CAMTA1: variants seen among roughly 807,000 people sequenced by gnomAD.
CAMTA1 encodes calmodulin binding transcription activator 1.
A neutral mutation model predicts 170.9 loss-of-function variants in CAMTA1; 27 were observed. The ratio of observed to expected loss-of-function variants is 0.16; its 90% CI spans 0.12 to 0.22. The LOEUF is 0.22. Among genes scored for constraint, CAMTA1 ranks in the 10% least tolerant of loss-of-function variants. CAMTA1 has a pLI of 1.00. For synonymous variants in CAMTA1, 833 were observed against 891.5 expected, an observed-to-expected ratio of 0.93 and a Z score of 1.17; for missense variants, 1,619 against 2,217.2, an observed-to-expected ratio of 0.73 and a Z score of 5.42.
chr1:7,074,668 T>C (rs1639068541), intron 3 of CAMTA1, among the ~76,000 whole-genome samples: 1 of 152,264 alleles, frequency 6.6e-6, no homozygotes, highest in South Asian at 2.1e-4. Context: ...TCTCAACTTA[T>C]ATCCAAGTGA....
At chr1:7,722,648 T>C (rs1003344815) in intron 11 of CAMTA1, among the ~76,000 whole-genome samples, 3 of 152,230 alleles carry the variant, frequency 2.0e-5, no homozygotes, top group African/African-American at 7.2e-5. Context: ...ATGCTTATAC[T>C]TTTGAGATAC....
chr1:7,669,147 G>C lies in CAMTA1; in HGVS notation c.2653-1764G>C, dbSNP rs535754886. The stretch of plus-strand genomic sequence containing the variant: ...AGGACACACAGCTACTGAGGCGCAG[G>C]AGCAGGCCTCCTGCTTTTGTTTCTC... On this transcript the variant is annotated intron_variant, in intron 9 of 22. Coordinates refer to ENST00000303635, the MANE Select transcript of CAMTA1 (RefSeq NM_015215.4). 3.3e-5 allele frequency among the ~76,000 whole-genome samples: 5 copies of C among 152,360 alleles called. No individual in the cohort carries two copies. The East Asian group carries it at 9.6e-4, about 29-fold the overall frequency.
Position 7,195,548 on chromosome 1 carries a change from C to T in CAMTA1, c.303-53943C>T, listed in dbSNP as rs1341753886. Among the ~76,000 whole-genome samples, 1 of 152,126 alleles carries T rather than the reference C, an allele frequency of 6.6e-6. No individual in the cohort carries two copies. Among genetic ancestry groups the T allele is most frequent in the Non-Finnish European group, 1.5e-5 (1 of 68,036 alleles). On this transcript the variant is annotated intron_variant, in intron 4 of 22. Transcript: ENST00000303635. The surrounding 1 kb of genome is among the most constrained non-coding windows in gnomAD (Gnocchi z 4.1). ...CTGTCCTGACTGATGCAGGTGGATA[C>T]CAGCAGGCAACAGTGGTTGGCACTG...
At chr1:6,812,431 A>C (rs1645284834) in intron 1 of CAMTA1, among the ~76,000 whole-genome samples, 2 of 152,238 alleles carry the variant, frequency 1.3e-5, no homozygotes, top group South Asian at 4.1e-4. Context: ...TAGAATGCCT[A>C]GTTTGTTGGG....
chr1:6,964,953 G>A (rs1364134776), intron 3 of CAMTA1, among the ~76,000 whole-genome samples: 1 of 152,102 alleles, frequency 6.6e-6, no homozygotes, highest in Admixed American at 6.5e-5. Context: ...GGAAAGAGCT[G>A]TCTTGTGTTG....
At chr1:7,657,515 G>A (rs1292558402) in intron 7 of CAMTA1, among the ~76,000 whole-genome samples, 2 of 152,190 alleles carry the variant, frequency 1.3e-5, no homozygotes, top group African/African-American at 2.4e-5. Flanking sequence ...GGGAGGTCAC[G>A]TGATCAAGTG....
At chr1:7,130,049 G>A (rs919548706) in intron 4 of CAMTA1, among the ~76,000 whole-genome samples, 2 of 151,820 alleles carry the variant, frequency 1.3e-5, no homozygotes, top group Non-Finnish European at 2.9e-5. Flanking sequence ...CCATTCTCCC[G>A]CCTCAGCCCC....
rs945105022 is a variant in CAMTA1, at chr1:7,565,401, G to A, written c.511-74999G>A. ...CCCAGGGGAGCCTACTGGGACAGCT[G>A]ACCCAGGCTTCTAGGCCCCAGGGAC... On this transcript the variant is annotated intron_variant, in intron 6 of 22. Coordinates refer to ENST00000303635, the MANE Select transcript of CAMTA1 (RefSeq NM_015215.4). The surrounding 1 kb of genome is among the most constrained non-coding windows in gnomAD (Gnocchi z 4.5). 2.0e-5 allele frequency among the ~76,000 whole-genome samples: 3 copies of A among 152,138 alleles called. No individual in the cohort carries two copies. Among genetic ancestry groups the A allele is most frequent in the African/African-American group, 4.8e-5 (2 of 41,420 alleles).
intron 10 of CAMTA1, among the ~76,000 whole-genome samples, chr1:7,671,561 G>T (rs183636528): frequency 1.3e-5 from 2 of 152,252 alleles, no homozygotes; most frequent in African/African-American, 4.8e-5. Context: ...AGCCTGGCAG[G>T]GGCGGAGGGA....
chr1:7,364,088 A>C (rs1256219949), intron 5 of CAMTA1, among the ~76,000 whole-genome samples: 1 of 152,196 alleles, frequency 6.6e-6, no homozygotes. Flanking sequence ...TGACTCCTGA[A>C]ACTGTGGTCC....
At chr1:7,168,412 T>G (rs912052753) in intron 4 of CAMTA1, among the ~76,000 whole-genome samples, 2 of 152,224 alleles carry the variant, frequency 1.3e-5, no homozygotes, top group African/African-American at 4.8e-5. Context: ...GTTTGTTTGT[T>G]TGTTTTTTGA....
chr1:7,613,540 G>C (rs191687611), intron 6 of CAMTA1, among the ~76,000 whole-genome samples: 1 of 152,176 alleles, frequency 6.6e-6, no homozygotes, highest in African/African-American at 2.4e-5. Flanking sequence ...CAGGACCTGC[G>C]GGAGTGTTTA....
intron 4 of CAMTA1, among the ~76,000 whole-genome samples, chr1:7,110,272 C>T (rs76683098): frequency 0.014 from 2,138 of 152,108 alleles, 46 homozygotes; most frequent in African/African-American, 0.049. Context: ...TTCAGCACCC[C>T]CCTTCCCCCC....
chr1:7,385,116 G>A (rs2149090132), intron 5 of CAMTA1, among the ~76,000 whole-genome samples: 1 of 147,224 alleles, frequency 6.8e-6, no homozygotes, highest in South Asian at 2.1e-4. Flanking sequence ...TTGAGACAGA[G>A]TCTCGCTCTG....
intron 5 of CAMTA1, among the ~76,000 whole-genome samples, chr1:7,338,626 G>A (rs2083568942): frequency 1.3e-5 from 2 of 152,216 alleles, no homozygotes; most frequent in Non-Finnish European, 2.9e-5. Context: ...ATTCAGTCAA[G>A]AACTGAAACA....
At chr1:6,871,703 T>G in intron 3 of CAMTA1, 3 of 1,448,528 alleles carry the variant, frequency 2.1e-6, no homozygotes, top group Non-Finnish European at 2.8e-6. Context: ...AAGAGCTTGA[T>G]TTTAAATTCT....
intron 11 of CAMTA1, among the ~76,000 whole-genome samples, chr1:7,703,200 GCT>G (rs1223390920): frequency 4.6e-5 from 7 of 152,182 alleles, no homozygotes; most frequent in African/African-American, 1.4e-4. Flanking sequence ...CCAGATTTGA[GCT>G]GGACCTTGAT....
chr1:6,909,552 G>A (rs978814724), intron 3 of CAMTA1, among the ~76,000 whole-genome samples: 8 of 152,210 alleles, frequency 5.3e-5, no homozygotes, highest in African/African-American at 2.4e-5. Context: ...CACAGCAGGC[G>A]GTAGAGCTGT....
At chr1:6,912,960 C>T (rs1217749935) in intron 3 of CAMTA1, among the ~76,000 whole-genome samples, 4 of 152,220 alleles carry the variant, frequency 2.6e-5, no homozygotes, top group Non-Finnish European at 4.4e-5. Context: ...TGAACTCCAG[C>T]GCCCAGCGTG....
Sources: gnomAD v4.1 joint callset for allele counts (sites outside exome capture counted in the v4.1 genomes callset) on GRCh38, gnomAD v4.1.1 for gene constraint, Gnocchi (gnomAD v3.1) non-coding constraint, MANE v1.5 for transcripts, NCBI Gene and HGNC (gene_info 2026-07-23, HGNC 2026-07-21) for gene names.